Variants in EYS observed in about 807,000 individuals in gnomAD.
EYS encodes EGF-like photoreceptor maintenance factor, also known as protein eyes shut homolog.
In EYS, 250 loss-of-function variants were observed where a neutral mutation model predicts 282.1. The observed-to-expected ratio is 0.89, with a 90% CI of 0.80 to 0.98. The LOEUF (loss-of-function observed/expected upper bound fraction) is 0.98. EYS is among the 50% of genes least tolerant of loss of function. The pLI is 0.00. For synonymous variants in EYS, 1,355 were observed against 1,282.9 expected, an observed-to-expected ratio of 1.06 and a Z score of -1.20; for missense variants, 4,016 against 3,709.0, an observed-to-expected ratio of 1.08 and a Z score of -2.15.
rs555404932 is a variant in EYS at position 64,639,515 on chromosome 6, G to C, written c.3444-13270C>G. On this transcript the variant is annotated intron_variant, in intron 22 of 42. Transcript: ENST00000503581. ...CTTTTAGTGAAAAGGCATTGCATGG[G>C]AGGCCCTTATGCTAAAGATTAAAAT... Among the ~76,000 whole-genome samples, 3 of 90,572 alleles carry C rather than the reference G, an allele frequency of 3.3e-5. 1 individual carries two copies. The highest frequency in any genetic ancestry group is 1.2e-4 in the Admixed American group (1 of 8,418). 59.4% of individuals were successfully genotyped at this position (90,572 alleles called of 152,430 possible).
intron 22 of EYS, among the ~76,000 whole-genome samples, chr6:64,705,360 C>T (rs552527721): frequency 5.9e-5 from 9 of 152,136 alleles, no homozygotes; most frequent in Non-Finnish European, 1.2e-4. Context: ...ATCCCATTCT[C>T]ATGGATGGGC....
At chr6:64,031,612 C>A (rs1769843520) in intron 33 of EYS, among the ~76,000 whole-genome samples, 1 of 152,150 alleles carries the variant, frequency 6.6e-6, no homozygotes, top group Admixed American at 6.5e-5. Context: ...CTTGCAGAAC[C>A]TTTATGTCTA....
chr6:64,446,639 G>A (rs909108235), intron 26 of EYS, among the ~76,000 whole-genome samples: 2 of 151,752 alleles, frequency 1.3e-5, no homozygotes, highest in Non-Finnish European at 2.9e-5. Context: ...TATAGTTAGT[G>A]TTTCTATATA....
At chr6:64,821,607 T>C (rs1363787482) in intron 21 of EYS, 38 bp downstream of exon 21, 3 of 1,109,196 alleles carry the variant, frequency 2.7e-6, no homozygotes, top group Non-Finnish European at 3.9e-6. Context: ...TTAAATTAAA[T>C]TTTTGTCATA....
chr6:64,902,774 G>A (rs72873051), intron 16 of EYS, among the ~76,000 whole-genome samples: 3,717 of 152,154 alleles, frequency 0.024, 60 homozygotes, highest in Non-Finnish European at 0.036. Context: ...TGTTGCTGTT[G>A]TTTTAAGGTA....
chr6:63,892,494 T>C (rs968234179), intron 35 of EYS, among the ~76,000 whole-genome samples: 4 of 152,196 alleles, frequency 2.6e-5, no homozygotes, highest in Non-Finnish European at 5.9e-5. Context: ...ATTCCTTATT[T>C]AATAAATGGT....
intron 35 of EYS, among the ~76,000 whole-genome samples, chr6:63,915,107 ACTTT>A (rs1309315648): frequency 6.6e-6 from 1 of 152,222 alleles, no homozygotes; most frequent in African/African-American, 2.4e-5. Flanking sequence ...GCCATCTAGG[ACTTT>A]CTAAGCTAGA....
chr6:64,971,661 C>A (rs994289256), intron 14 of EYS, among the ~76,000 whole-genome samples: 4 of 152,050 alleles, frequency 2.6e-5, no homozygotes, highest in Middle Eastern at 3.2e-3. Context: ...TTGAGTTCAA[C>A]AGTGAAGGTG....
At chr6:64,283,352 ACT>A (rs1308979321) in intron 30 of EYS, among the ~76,000 whole-genome samples, 1 of 152,150 alleles carries the variant, frequency 6.6e-6, no homozygotes, top group Non-Finnish European at 1.5e-5. Flanking sequence ...TAGAAGTTAG[ACT>A]ATATAATTAT....
chr6:64,096,836 T>C (rs984724776), intron 31 of EYS, among the ~76,000 whole-genome samples: 1 of 152,236 alleles, frequency 6.6e-6, no homozygotes, highest in Non-Finnish European at 1.5e-5. Flanking sequence ...CTCTGGTTTT[T>C]AGAGTTTCCA....
At chr6:64,370,110 T>G (rs1772314849) in intron 29 of EYS, among the ~76,000 whole-genome samples, 1 of 152,082 alleles carries the variant, frequency 6.6e-6, no homozygotes. Flanking sequence ...TGTGCCAGTT[T>G]TCAAGGGGAT....
At chr6:65,393,140 G>T (rs1433462275) in intron 7 of EYS, among the ~76,000 whole-genome samples, 1 of 151,556 alleles carries the variant, frequency 6.6e-6, no homozygotes, top group Non-Finnish European at 1.5e-5. Context: ...CATGGACACA[G>T]GAAGGGGAAC....
chr6:64,310,821 A>G (rs1332598998), intron 29 of EYS, among the ~76,000 whole-genome samples: 2 of 152,166 alleles, frequency 1.3e-5, no homozygotes, highest in Admixed American at 6.5e-5. Flanking sequence ...ACAAAATGGG[A>G]AGACTGGACT....
At chr6:65,190,762 T>C (rs1252501880) in intron 12 of EYS, among the ~76,000 whole-genome samples, 2 of 151,842 alleles carry the variant, frequency 1.3e-5, no homozygotes, top group Non-Finnish European at 2.9e-5. Flanking sequence ...GAATATAATG[T>C]GTATTTTCTA....
At chr6:63,815,607 A>G (rs1771158504) in intron 36 of EYS, among the ~76,000 whole-genome samples, 1 of 152,198 alleles carries the variant, frequency 6.6e-6, no homozygotes, top group South Asian at 2.1e-4. Flanking sequence ...ACACATATTA[A>G]CTACTTTGCA....
chr6:64,627,092 T>C (rs1004543482), intron 22 of EYS, among the ~76,000 whole-genome samples: 1 of 152,196 alleles, frequency 6.6e-6, no homozygotes, highest in Non-Finnish European at 1.5e-5. Context: ...GGATCCACAA[T>C]ATTGATTAAA....
chr6:64,265,333 G>A (rs1289921456), intron 30 of EYS, among the ~76,000 whole-genome samples: 1 of 152,146 alleles, frequency 6.6e-6, no homozygotes, highest in Non-Finnish European at 1.5e-5. Context: ...ATAATATGTT[G>A]ACACAACTGC....
intron 26 of EYS, among the ~76,000 whole-genome samples, chr6:64,527,325 T>C (rs982907486): frequency 6.6e-6 from 1 of 151,754 alleles, no homozygotes; most frequent in Admixed American, 6.6e-5. Context: ...AAAATGGAAG[T>C]TGATATGCCA....
At chr6:65,231,275 G>C (rs145463139) in intron 12 of EYS, among the ~76,000 whole-genome samples, 372 of 145,866 alleles carry the variant, frequency 2.6e-3, no homozygotes, top group African/African-American at 8.5e-3. Flanking sequence ...GATTATTTTT[G>C]GCTTATTTCT....
Sources: allele counts gnomAD v4.1 joint callset (sites outside exome capture counted in the v4.1 genomes callset), GRCh38; gene constraint gnomAD v4.1.1; transcripts MANE v1.5; gene names NCBI Gene and HGNC (gene_info 2026-07-23, HGNC 2026-07-21).